The following ABR variants were observed in gnomAD, a reference collection of about 807,000 sequenced individuals.
The protein encoded by ABR is active breakpoint cluster region-related protein.
In ABR, 35 loss-of-function variants were observed where a neutral mutation model predicts 107.2. That is an observed-to-expected ratio of 0.33 (90% CI 0.25 to 0.43). ABR has a LOEUF of 0.43. ABR is among the 20% of genes least tolerant of loss of function. The pLI is 1.00. For missense variants in ABR, 815 were observed against 1,115.2 expected, an observed-to-expected ratio of 0.73 and a Z score of 3.83; for synonymous variants, 498 against 462.0, an observed-to-expected ratio of 1.08 and a Z score of -1.00.
chr17:1,185,765 C>T (rs12936857), intron 1 of ABR, among the ~76,000 whole-genome samples: 4 of 151,690 alleles, frequency 2.6e-5, no homozygotes, highest in African/African-American at 9.7e-5. Context: ...CTGTCAGATC[C>T]TGGGGTGGCC....
chr17:1,215,330 A>G lies in ABR; in HGVS notation c.838+13463T>C, dbSNP rs1428659165. On this transcript the variant is annotated intron_variant, in intron 1 of 22. Coordinates refer to the ABR transcript ENST00000574139. ...ACTGCTGCCATCTCGGCTCACTGCA[A>G]GCTCCCTGCCTGATTCTCCTGCCTC... is the stretch of plus-strand genomic sequence containing the variant. Among the ~76,000 whole-genome samples, 169 of 150,430 alleles carry G rather than the reference A, an allele frequency of 1.1e-3. 2 individuals are homozygous for G. Among genetic ancestry groups the G allele is most frequent in the African/African-American group, 3.9e-3 (162 of 41,270 alleles).
At chr17:1,183,445 G>A (rs76420626), upstream of ABR, among the ~76,000 whole-genome samples, 4,833 of 152,228 alleles carry the variant, frequency 0.032, 129 homozygotes, top group East Asian at 0.13. Flanking sequence ...GGTTAATGAC[G>A]AGGGGCTGAG....
At chr17:1,031,251 G>T (rs1380395365) in intron 16 of ABR, among the ~76,000 whole-genome samples, 1 of 152,208 alleles carries the variant, frequency 6.6e-6, no homozygotes, top group Non-Finnish European at 1.5e-5. Context: ...CAGGGATCAG[G>T]TAGAGGCTGA....
chr17:1,104,756 G>A (rs1173699604), intron 2 of ABR, among the ~76,000 whole-genome samples: 1 of 152,230 alleles, frequency 6.6e-6, no homozygotes, highest in Non-Finnish European at 1.5e-5. Flanking sequence ...TTCCTTGGCA[G>A]AATTTAGAAC....
At chr17:1,021,851 G>A (rs1048327022) in intron 16 of ABR, among the ~76,000 whole-genome samples, 1 of 143,498 alleles carries the variant, frequency 7.0e-6, no homozygotes, top group Non-Finnish European at 1.5e-5. Flanking sequence ...TGAGAGGTGG[G>A]ACAGGAACGC....
In ABR at chr17:1,058,843, C is replaced by T; in HGVS notation, c.1207G>A (p.Ala403Thr). The change falls in exon 11 of 23, where the codon GCC becomes ACC. Residue 403 changes from alanine to threonine, a missense_variant. By Grantham distance (58) the Ala-to-Thr change is moderately conservative. Around this residue, in one of 5 missense-constraint regions of ABR, gnomAD observed 385 missense variants for 596.9 expected, o/e 0.64. Transcript: ENST00000302538. ...ATCTTCTTCTTCAGGCGCTCGATGG[C>T]CCGGCTCTGGCCTTTGTTGGCTTTC... ...KEKANKGQSR[A>T]IERLKKKMFE... The T allele has an allele frequency of 6.2e-7, 1 of 1,614,148 alleles. No homozygotes were observed. The highest frequency in any genetic ancestry group is 8.5e-7 in the Non-Finnish European group (1 of 1,180,028).
intron 1 of ABR, among the ~76,000 whole-genome samples, chr17:1,145,573 C>A (rs2040492846): frequency 6.6e-6 from 1 of 152,202 alleles, no homozygotes; most frequent in Admixed American, 6.5e-5. Context: ...CTCCTCGGAG[C>A]CCCCCTCCCA....
rs1236604152 is a variant in ABR, at chr17:1,010,027, C to T, written c.2237-243G>A. The T allele has an allele frequency of 1.7e-6, 1 of 585,836 alleles. No individual in the cohort carries two copies. The highest frequency in any genetic ancestry group is 3.0e-6 in the Non-Finnish European group (1 of 328,262). 36.3% of individuals were successfully genotyped at this position (585,836 alleles called of 1,614,324 possible). A position where few individuals can be genotyped will look rare whatever the true frequency, so the allele number is the denominator to read the frequency against. On this transcript the variant is annotated intron_variant, in intron 20 of 22. Transcript: ENST00000302538. This position sits in a 1 kb window ranked among gnomAD's most constrained non-coding sequence, Gnocchi z 4.1. ...CTGGTGGGAGCAGACCCCCTTCCTG[C>T]AGCTGACTGCATAGGCCTTGGGTGC...
chr17:1,012,378 C>A, intron 18 of ABR: 1 of 659,324 alleles, frequency 1.5e-6, no homozygotes, highest in South Asian at 1.5e-5. Context: ...GAGGGGCCGC[C>A]AGTCCCCGTT....
At chr17:1,108,728 AG>A (rs2038430863) in intron 2 of ABR, among the ~76,000 whole-genome samples, 1 of 151,826 alleles carries the variant, frequency 6.6e-6, no homozygotes, top group Non-Finnish European at 1.5e-5. Context: ...GCTGGCCTGG[AG>A]GGGGCGGCCA....
intron 16 of ABR, among the ~76,000 whole-genome samples, chr17:1,029,919 C>T (rs967503845): frequency 2.0e-5 from 3 of 146,988 alleles, no homozygotes; most frequent in Non-Finnish European, 4.4e-5. Flanking sequence ...TCCCTCCGTC[C>T]GCCACAGCGC....
intron 16 of ABR, among the ~76,000 whole-genome samples, chr17:1,025,839 T>G (rs2072152925): frequency 6.6e-6 from 1 of 152,166 alleles, no homozygotes; most frequent in Admixed American, 6.5e-5. Context: ...CTCGGGCGCC[T>G]CTGTGTCCCT....
intron 9 of ABR, 123 bp from the exon 10 acceptor site, chr17:1,067,365 C>G: frequency 1.1e-6 from 1 of 908,556 alleles, no homozygotes; most frequent in South Asian, 1.8e-5. Context: ...GAAGCAAGAA[C>G]GATCCCTGCT....
chr17:1,220,543 G>C (rs957352025), intron 1 of ABR, among the ~76,000 whole-genome samples: 1 of 152,120 alleles, frequency 6.6e-6, no homozygotes, highest in Non-Finnish European at 1.5e-5. Context: ...AGGTGGTCAC[G>C]GGGATTTCTG....
Position 1,056,984 on chromosome 17 carries a change from G to A in ABR, c.1486+14C>T. 1 of 1,592,176 alleles carries A rather than the reference G, an allele frequency of 6.3e-7. No homozygotes were observed. On this transcript the variant is annotated intron_variant, in intron 13 of 22. Transcript: ENST00000302538. Reference sequence around the variant, plus strand: ...GGACCTGCCGGTTGGGCCACCTCTGGTTCCCGAGCTTACCGTCTTTATTGC... The same window carrying A: ...GGACCTGCCGGTTGGGCCACCTCTGATTCCCGAGCTTACCGTCTTTATTGC...
rs1266178437 is a variant in ABR at position 1,004,010 on chromosome 17, C to T, written c.*2070G>A. The T allele has an allele frequency of 6.6e-6, 1 of 152,262 alleles. No individual in the cohort carries two copies. The highest frequency in any genetic ancestry group is 1.5e-5 in the Non-Finnish European group (1 of 68,064). 9.4% of individuals were successfully genotyped at this position (152,262 alleles called of 1,614,324 possible). On this transcript the variant is annotated 3_prime_UTR_variant, in exon 23 of 23. Transcript: ENST00000302538. ...TGCATTTCTCAGCCTTTGCAGCCTT[C>T]CCATAGCCTGTTCTCACGTTGCCTC...
intron 1 of ABR, among the ~76,000 whole-genome samples, chr17:1,146,151 C>T (rs2040513369): frequency 6.6e-6 from 1 of 152,078 alleles, no homozygotes. Context: ...GGACATTCGA[C>T]GTCACCATTC....
At chr17:1,090,144 C>T (rs1350056462) in intron 4 of ABR, among the ~76,000 whole-genome samples, 2 of 152,140 alleles carry the variant, frequency 1.3e-5, no homozygotes, top group African/African-American at 4.8e-5. Context: ...GGGGGAAGGA[C>T]GTTTCAGGCA....
Position 1,179,080 on chromosome 17 carries a change from G to T in ABR, c.61+587C>A, listed in dbSNP as rs570595967. Among the ~76,000 whole-genome samples the T allele has an allele frequency of 4.6e-5, 7 of 151,828 alleles. No individual in the cohort carries two copies. In the South Asian group the frequency reaches 1.5e-3, roughly 32 times the overall value. Reference sequence around the variant, plus strand: ...TGAGGCTGGCAGGAAAGATTGCTGAGCCCGGGATTTTCAGCTCCCGCATCC... The same window carrying T: ...TGAGGCTGGCAGGAAAGATTGCTGATCCCGGGATTTTCAGCTCCCGCATCC... On this transcript the variant is annotated intron_variant, in intron 1 of 22. Transcript: ENST00000302538. The surrounding 1 kb of genome is among the most constrained non-coding windows in gnomAD (Gnocchi z 4.9).
Sources: gnomAD v4.1 joint callset for allele counts (sites outside exome capture counted in the v4.1 genomes callset) on GRCh38, gnomAD v4.1.1 for gene constraint, gnomAD v4.1.1 regional missense constraint, Gnocchi (gnomAD v3.1) non-coding constraint, MANE v1.5 for transcripts, NCBI Gene and HGNC (gene_info 2026-07-23, HGNC 2026-07-21) for gene names.